SSBP3: variants seen among roughly 807,000 people sequenced by gnomAD.
SSBP3 encodes the protein single-stranded DNA-binding protein 3.
A neutral mutation model predicts 69.6 loss-of-function variants in SSBP3; 5 were observed. The observed-to-expected ratio is 0.07, with a 90% CI of 0.04 to 0.15. SSBP3 has a LOEUF of 0.15. SSBP3 is among the 10% of genes least tolerant of loss of function. SSBP3 has a pLI of 1.00. For synonymous variants in SSBP3, 196 were observed against 193.4 expected (o/e 1.01, Z -0.11); for missense variants, 312 against 534.0 (o/e 0.58, Z 4.10).
intron 4 of SSBP3, among the ~76,000 whole-genome samples, chr1:54,304,306 T>C (rs1254353248): frequency 2.0e-5 from 3 of 150,448 alleles, no homozygotes; most frequent in Non-Finnish European, 2.9e-5. Context: ...GATGCCTCCA[T>C]GAGACAACAG....
intron 9 of SSBP3, among the ~76,000 whole-genome samples, 179 bp downstream of exon 9, chr1:54,251,437 G>A (rs1242084820): frequency 6.6e-6 from 1 of 152,226 alleles, no homozygotes; most frequent in Non-Finnish European, 1.5e-5. Context: ...GGCTGCCCTG[G>A]GCAGCGCGTG....
At chr1:54,313,448 T>TC (rs1646040887) in intron 4 of SSBP3, among the ~76,000 whole-genome samples, 2 of 147,958 alleles carry the variant, frequency 1.4e-5, no homozygotes, top group Non-Finnish European at 3.0e-5. Flanking sequence ...TTTTTTTTTT[T>TC]TTTTTTTTTT....
intron 4 of SSBP3, among the ~76,000 whole-genome samples, chr1:54,308,624 C>T (rs1407122849): frequency 6.7e-6 from 1 of 149,670 alleles, no homozygotes; most frequent in Non-Finnish European, 1.5e-5. Flanking sequence ...AAAAATTAGC[C>T]GGGCGTGGTG....
intron 4 of SSBP3, among the ~76,000 whole-genome samples, chr1:54,319,003 C>T (rs534269329): frequency 6.1e-4 from 93 of 152,284 alleles, no homozygotes; most frequent in South Asian, 2.5e-3. Context: ...GGAAACACTG[C>T]AATTCTTTGG....
chr1:54,271,150 G>T (rs553657539), intron 5 of SSBP3, among the ~76,000 whole-genome samples: 1 of 152,312 alleles, frequency 6.6e-6, no homozygotes, highest in African/African-American at 2.4e-5. Flanking sequence ...TTGCTCTGTT[G>T]CCCAGGCTGG....
chr1:54,377,229 AC>A (rs2100704906), intron 4 of SSBP3, among the ~76,000 whole-genome samples: 1 of 152,146 alleles, frequency 6.6e-6, no homozygotes, highest in Admixed American at 6.5e-5. Context: ...CCACTCCAAA[AC>A]CCAAAACTGA....
At chr1:54,282,279 A>C (rs938795073) in intron 4 of SSBP3, among the ~76,000 whole-genome samples, 1 of 152,218 alleles carries the variant, frequency 6.6e-6, no homozygotes, top group African/African-American at 2.4e-5. Context: ...GCCCTCTGCA[A>C]GTGGCTGGCA....
chr1:54,375,330 A>T (rs993077408), intron 4 of SSBP3, among the ~76,000 whole-genome samples: 1 of 148,190 alleles, frequency 6.7e-6, no homozygotes, highest in Non-Finnish European at 1.5e-5. Flanking sequence ...CTTGGGGGGG[A>T]TCACACTGCA....
intron 17 of SSBP3, 30 bp from the exon 18 acceptor site, chr1:54,227,190 G>GGGTGAGGATT: frequency 8.6e-7 from 1 of 1,158,728 alleles, no homozygotes; most frequent in Non-Finnish European, 1.3e-6. Context: ...AAGGGGGGGG[G>GGGTGAGGATT]GTGAGGATTG....
In SSBP3 at chr1:54,274,364, A is replaced by G. The variant is rs192925451; in HGVS notation, c.366+7074T>C. Among the ~76,000 whole-genome samples the G allele has an allele frequency of 1.8e-3, 266 of 149,712 alleles. 1 individual carries two copies. The highest frequency in any genetic ancestry group is 0.01 in the Middle Eastern group (3 of 294). On this transcript the variant is annotated intron_variant, in intron 5 of 17. Coordinates refer to ENST00000610401, the Ensembl canonical transcript of SSBP3. ...ATCACAGCAGGGAACAGCTTTTCTG[A>G]CTTGGAGAGTGCTTCCACCAGCAAC... is the stretch of plus-strand genomic sequence containing the variant.
At chr1:54,243,106 T>A in intron 10 of SSBP3, 129 bp downstream of exon 10, 1 of 833,834 alleles carries the variant, frequency 1.2e-6, no homozygotes, top group African/African-American at 1.7e-5. Flanking sequence ...ATCCTCACAT[T>A]ACCGATGAGG....
chr1:54,320,076 G>A (rs1482964390), intron 4 of SSBP3, among the ~76,000 whole-genome samples: 1 of 152,176 alleles, frequency 6.6e-6, no homozygotes, highest in Non-Finnish European at 1.5e-5. Flanking sequence ...TGGAGAGGGA[G>A]GTGAATCTTC....
chr1:54,260,062 T>C lies in SSBP3; in HGVS notation c.367-1913A>G, dbSNP rs575882000. Among the ~76,000 whole-genome samples the C allele has an allele frequency of 7.9e-5, 12 of 152,120 alleles. No homozygotes were observed. In the East Asian group the frequency reaches 2.3e-3, roughly 29 times the overall value. On this transcript the variant is annotated intron_variant, in intron 5 of 17. Transcript: ENST00000610401. Reference sequence around the variant, plus strand: ...TAATTAACAGTACAGGGAAGGAAAATTGAAATCACATAAATTAAAAAGGGA... The same window carrying C: ...TAATTAACAGTACAGGGAAGGAAAACTGAAATCACATAAATTAAAAAGGGA...
rs750935705 is a variant in SSBP3, at chr1:54,228,248, G to A, written c.1137+7C>T. 6.2e-7 allele frequency: 1 copy of A among 1,613,036 alleles called. No homozygotes were observed. Among genetic ancestry groups the A allele is most frequent in the South Asian group, 1.1e-5 (1 of 91,030 alleles). On this transcript the variant is annotated splice_region_variant and intron_variant, in intron 17 of 17. Transcript: ENST00000610401. ...GACGAGAGCAACAGGCAGGGGGCGA[G>A]GCTTACATTGTCGTTCTGAAAGGAG...
chr1:54,383,394 A>G (rs1647830035), intron 4 of SSBP3, among the ~76,000 whole-genome samples: 1 of 152,116 alleles, frequency 6.6e-6, no homozygotes, highest in South Asian at 2.1e-4. Context: ...GAAAAAAAAA[A>G]AGAAAGAAAA....
upstream of SSBP3, among the ~76,000 whole-genome samples, chr1:54,411,370 C>A (rs771497805): frequency 6.6e-6 from 1 of 151,364 alleles, no homozygotes; most frequent in African/African-American, 2.4e-5. Context: ...CTCAGCTACT[C>A]GGGTGGCTGG....
Position 54,253,974 on chromosome 1 carries a change from G to A in SSBP3, c.508-2114C>T, listed in dbSNP as rs367603655. Among the ~76,000 whole-genome samples the A allele has an allele frequency of 9.7e-4, 148 of 152,346 alleles. 2 individuals carry two copies. In the South Asian group the frequency reaches 0.015, roughly 15 times the overall value. Reference sequence around the variant, plus strand: ...GAGGCTCAGAGGGGACCTGGAGGTCGCGTCCCTCACTGAGGTGACCCTGAG... The same window carrying A: ...GAGGCTCAGAGGGGACCTGGAGGTCACGTCCCTCACTGAGGTGACCCTGAG... On this transcript the variant is annotated intron_variant, in intron 7 of 17. Transcript: ENST00000610401.
intron 4 of SSBP3, among the ~76,000 whole-genome samples, chr1:54,351,098 A>G (rs1306748806): frequency 6.6e-6 from 1 of 152,338 alleles, no homozygotes; most frequent in Non-Finnish European, 1.5e-5. Flanking sequence ...AAGTGCTGGC[A>G]TAACAAGTGT....
chr1:54,346,818 G>C lies in SSBP3; in HGVS notation c.276+55043C>G, dbSNP rs1426234174. Among the ~76,000 whole-genome samples the C allele has an allele frequency of 3.0e-5, 4 of 133,542 alleles. No individual in the cohort carries two copies. The Admixed American group carries it at 3.0e-4, about 10-fold the overall frequency. The allele number at this position is 133,542 out of a possible 152,430, so 87.6% of individuals were successfully genotyped here. ...CAATAGAGTGAGACTCCATCTCAAG[G>C]AAAAAAAAAAAAAAATAGAAATACA... On this transcript the variant is annotated intron_variant, in intron 4 of 17. Coordinates refer to ENST00000610401, the Ensembl canonical transcript of SSBP3.
Sources: allele counts gnomAD v4.1 joint callset (sites outside exome capture counted in the v4.1 genomes callset), GRCh38; gene constraint gnomAD v4.1.1; transcripts MANE v1.5; gene names NCBI Gene and HGNC (gene_info 2026-07-23, HGNC 2026-07-21).